Variants in GOLGA5 observed in about 807,000 individuals in gnomAD.
GOLGA5 encodes golgin A5.
GOLGA5 carries 50 observed loss-of-function variants against 93.5 expected under a neutral mutation model. The ratio of observed to expected loss-of-function variants is 0.53; its 90% CI spans 0.43 to 0.68. The LOEUF (loss-of-function observed/expected upper bound fraction) is 0.68. Among genes scored for constraint, GOLGA5 ranks in the 30% least tolerant of loss-of-function variants. GOLGA5 has a pLI of 0.00. For synonymous variants in GOLGA5, 312 were observed against 304.5 expected (o/e 1.02, Z -0.26); for missense variants, 760 against 856.4 (o/e 0.89, Z 1.40).
intron 9 of GOLGA5, 85 bp downstream of exon 9, chr14:92,824,729 C>A: frequency 2.9e-6 from 2 of 699,622 alleles, no homozygotes; most frequent in East Asian, 2.7e-5. Context: ...GAACTTTCCC[C>A]GTGTTTTCAC....
intron 6 of GOLGA5, among the ~76,000 whole-genome samples, chr14:92,815,815 T>G (rs561037267): frequency 8.5e-4 from 128 of 151,268 alleles, no homozygotes; most frequent in African/African-American, 3.0e-3. Context: ...GCCATTCTTC[T>G]GCCTCAGCCT....
chr14:92,802,990 C>G (rs143091780), intron 2 of GOLGA5, among the ~76,000 whole-genome samples: 31 of 151,754 alleles, frequency 2.0e-4, no homozygotes, highest in African/African-American at 7.0e-4. Context: ...GCTAATATTC[C>G]CTTTAGGATT....
chr14:92,821,919 T>C (rs951437404), intron 8 of GOLGA5, among the ~76,000 whole-genome samples: 7 of 152,186 alleles, frequency 4.6e-5, no homozygotes, highest in African/African-American at 1.7e-4. Flanking sequence ...AATGAGATAA[T>C]TTTCATTTTG....
chr14:92,811,673 A>C lies in GOLGA5; in HGVS notation c.1239A>C (p.Gln413His). Residue 413 changes from glutamine (Q) to histidine (H), a missense_variant, in exon 6 of 13, where the codon CAA (glutamine) becomes CAC (histidine). Physicochemically the swap from Gln to His is conservative, Grantham distance 24. Coordinates refer to ENST00000163416, the MANE Select transcript of GOLGA5 (RefSeq NM_005113.4). ...AGAGGGTTGATGAACTGCAGCAGCA[A>C]GTCAAGCTGTATAAGTTGAACTTGG... Reference protein sequence around the residue: ...EKKRVDELQQQVKLYKLNLES... With the variant: ...EKKRVDELQQHVKLYKLNLES... 1.2e-6 allele frequency: 2 copies of C among 1,612,862 alleles called. No individual in the cohort carries two copies. The highest frequency in any genetic ancestry group is 2.2e-5 in the South Asian group (2 of 90,916).
chr14:92,837,223 G>A (rs1885660622), intron 11 of GOLGA5, among the ~76,000 whole-genome samples, 163 bp from the exon 12 acceptor site: 1 of 152,142 alleles, frequency 6.6e-6, no homozygotes, highest in Non-Finnish European at 1.5e-5. Flanking sequence ...ATTATTTCAA[G>A]TAATCATTTA....
intron 8 of GOLGA5, 101 bp from the exon 9 acceptor site, chr14:92,824,445 C>T: frequency 3.1e-6 from 2 of 654,922 alleles, no homozygotes; most frequent in Non-Finnish European, 5.6e-6. Context: ...ATGTTCAGCA[C>T]ATACTGATTG....
chr14:92,810,208 G>A (rs750850075), intron 4 of GOLGA5, 46 bp from the exon 5 acceptor site: 4 of 1,467,524 alleles, frequency 2.7e-6, no homozygotes, highest in Non-Finnish European at 3.7e-6. Flanking sequence ...CTTATCACTT[G>A]TACACTGTAG....
At position 92,839,431 on chromosome 14, in the gene GOLGA5, A is replaced by G; in HGVS notation, c.2181A>G (p.Gln727=). 6.2e-7 allele frequency: 1 copy of G among 1,607,826 alleles called. No homozygotes were observed. The highest frequency in any genetic ancestry group is 2.2e-5 in the East Asian group (1 of 44,870). ...ACACACCAGAAATGCACCACGACCA[A>G]CCATATGGCAAATGAACCAAGCCCA... is the stretch of plus-strand genomic sequence containing the variant. ...LTYTPEMHHD[Q]PYGK is the part of the protein sequence containing the mutation. The change falls in exon 13 of 13, where the codon CAA becomes CAG. Residue 727 remains glutamine, a synonymous_variant. Coordinates refer to ENST00000163416, the MANE Select transcript of GOLGA5 (RefSeq NM_005113.4).
rs1359313184 is a variant in GOLGA5, at chr14:92,809,443, G to A, written c.916G>A (p.Val306Met). ...AKDSQLAVLK[V>M]RLQEADQLLS... ...GGATTCCCAGCTGGCTGTACTGAAA[G>A]TGAGACTCCAGGAAGCTGACCAGCT... Residue 306 changes from valine to methionine, a missense_variant, in exon 4 of 13, where the codon GTG becomes ATG. Val to Met is a conservative substitution (Grantham distance 21). Coordinates refer to ENST00000163416, the MANE Select transcript of GOLGA5 (RefSeq NM_005113.4). The A allele has an allele frequency of 6.2e-7, 1 of 1,614,092 alleles. No homozygotes were observed. Among genetic ancestry groups the A allele is most frequent in the Non-Finnish European group, 8.5e-7 (1 of 1,179,982 alleles).
At chr14:92,795,836 A>G (rs776153169) in intron 1 of GOLGA5, among the ~76,000 whole-genome samples, 1 of 152,282 alleles carries the variant, frequency 6.6e-6, no homozygotes, top group South Asian at 2.1e-4. Flanking sequence ...CTCTGAAGCA[A>G]ATGACATTTG....
intron 9 of GOLGA5, among the ~76,000 whole-genome samples, chr14:92,832,322 G>A (rs1305724301): frequency 3.3e-5 from 5 of 152,188 alleles, no homozygotes; most frequent in African/African-American, 1.2e-4. Flanking sequence ...GGGGAGTGCT[G>A]TAAGGGATTT....
rs1884998318 is a variant in GOLGA5, at chr14:92,806,856, A to G, written c.665A>G (p.His222Arg). The stretch of plus-strand genomic sequence containing the variant: ...ACACCTAATGATGATGGCAAATCAC[A>G]TGAACTGTCTAACCTTCGACTGGAG... ...TPTPNDDGKS[H>R]ELSNLRLENQ... Residue 222 changes from histidine (H) to arginine (R), a missense_variant, in exon 3 of 13, where the codon CAT becomes CGT. Transcript: ENST00000163416. 2 of 1,613,668 alleles carry G rather than the reference A, an allele frequency of 1.2e-6. No individual in the cohort carries two copies. Among genetic ancestry groups the G allele is most frequent in the Non-Finnish European group, 8.5e-7 (1 of 1,179,666 alleles).
At chr14:92,796,322 C>G (rs1884725405) in intron 1 of GOLGA5, among the ~76,000 whole-genome samples, 1 of 152,168 alleles carries the variant, frequency 6.6e-6, no homozygotes, top group Non-Finnish European at 1.5e-5. Context: ...TAGCAAAGTA[C>G]CACAGATTGA....
rs374221042 is a variant in GOLGA5, at chr14:92,815,796, C to T, written c.1321-455C>T. 7.3e-5 allele frequency among the ~76,000 whole-genome samples: 11 copies of T among 150,312 alleles called. 1 individual carries two copies. The highest frequency in any genetic ancestry group is 2.1e-4 in the South Asian group (1 of 4,746). ...TCGGCTCACTGCAAGCTCCGCCTCC[C>T]GGGTTCACGCCATTCTTCTGCCTCA... On this transcript the variant is annotated intron_variant, in intron 6 of 12. Coordinates refer to ENST00000163416, the MANE Select transcript of GOLGA5 (RefSeq NM_005113.4).
At chr14:92,808,479 A>G (rs1437244719) in intron 3 of GOLGA5, among the ~76,000 whole-genome samples, 2 of 150,972 alleles carry the variant, frequency 1.3e-5, no homozygotes, top group African/African-American at 4.9e-5. Context: ...ACAAAAATCA[A>G]TTTTTTTTTG....
intron 5 of GOLGA5, chr14:92,810,581 AAT>A (rs1194907560): frequency 8.5e-6 from 3 of 351,066 alleles, no homozygotes; most frequent in African/African-American, 2.1e-5. Context: ...AGACAATTAA[AAT>A]AGTTAATGTG....
intron 6 of GOLGA5, among the ~76,000 whole-genome samples, chr14:92,814,421 T>C (rs1001573412): frequency 6.6e-6 from 1 of 152,084 alleles, no homozygotes; most frequent in Non-Finnish European, 1.5e-5. Context: ...ATTCCTGGAC[T>C]TGGCAACTAG....
intron 7 of GOLGA5, among the ~76,000 whole-genome samples, chr14:92,819,167 T>C (rs1268964321): frequency 6.6e-6 from 1 of 152,212 alleles, no homozygotes; most frequent in Non-Finnish European, 1.5e-5. Context: ...AGTCTCCCAG[T>C]GAGCCTCTGC....
intron 7 of GOLGA5, among the ~76,000 whole-genome samples, chr14:92,817,228 A>C (rs1282230914): frequency 6.6e-6 from 1 of 152,198 alleles, no homozygotes; most frequent in African/African-American, 2.4e-5. Context: ...GACGTGAGCC[A>C]CCATGCCCGA....
Sources: allele counts gnomAD v4.1 joint callset (sites outside exome capture counted in the v4.1 genomes callset), GRCh38; gene constraint gnomAD v4.1.1; transcripts MANE v1.5; gene names NCBI Gene and HGNC (gene_info 2026-07-23, HGNC 2026-07-21).